Variants in HCN1 observed in about 807,000 individuals in gnomAD.
HCN1 encodes potassium/sodium hyperpolarization-activated cyclic nucleotide-gated channel 1.
In HCN1, 13 loss-of-function variants were observed where a neutral mutation model predicts 78.9. That is an observed-to-expected ratio of 0.16 (90% CI 0.11 to 0.26). HCN1 has a LOEUF of 0.26. Ranked by LOEUF, HCN1 falls within the 10% of genes least tolerant of loss-of-function variation. The pLI is 1.00. For synonymous variants in HCN1, 552 were observed against 455.5 expected (o/e 1.21, Z -2.70); for missense variants, 810 against 1,154.3 (o/e 0.70, Z 4.32).
At chr5:45,488,728 G>A in intron 2 of HCN1, among the ~76,000 whole-genome samples, 1 of 152,114 alleles carries the variant, frequency 6.6e-6, no homozygotes, top group East Asian at 1.9e-4. Context: ...ATTGGAGAAA[G>A]CATAGATAAC....
intron 2 of HCN1, among the ~76,000 whole-genome samples, chr5:45,560,677 G>T (rs1743579887): frequency 6.6e-6 from 1 of 151,814 alleles, no homozygotes. Flanking sequence ...AAAACAATGT[G>T]TTTATATTCA....
At chr5:45,445,619 C>T (rs1579899792) in intron 3 of HCN1, among the ~76,000 whole-genome samples, 1 of 152,170 alleles carries the variant, frequency 6.6e-6, no homozygotes, top group Non-Finnish European at 1.5e-5. Flanking sequence ...CCCGAGCAGC[C>T]TAACTGGGAG....
rs554240760 is a variant in HCN1 at position 45,451,372 on chromosome 5, C to T, written c.1011+10474G>A. 2.6e-5 allele frequency among the ~76,000 whole-genome samples: 4 copies of T among 152,014 alleles called. No homozygotes were observed. In the South Asian group the frequency reaches 8.3e-4, roughly 32 times the overall value. ...CACTGATGAATGTAAGGGAAAGGTG[C>T]CCCTCAGGAGAATGATTTCCATTAA... On this transcript the variant is annotated intron_variant, in intron 3 of 7. Transcript: ENST00000303230.
chr5:45,688,342 G>A (rs955288442), intron 1 of HCN1, among the ~76,000 whole-genome samples: 1 of 152,066 alleles, frequency 6.6e-6, no homozygotes, highest in South Asian at 2.1e-4. Flanking sequence ...TCCTGGCCCA[G>A]TTCTTACTAT....
intron 1 of HCN1, among the ~76,000 whole-genome samples, chr5:45,674,061 C>T (rs1746216568): frequency 6.6e-6 from 1 of 151,392 alleles, no homozygotes; most frequent in African/African-American, 2.4e-5. Context: ...AGTTATTATA[C>T]TCAGCTTTCC....
chr5:45,501,722 G>A (rs1292989300), intron 2 of HCN1, among the ~76,000 whole-genome samples: 3 of 152,084 alleles, frequency 2.0e-5, no homozygotes, highest in Admixed American at 6.6e-5. Context: ...TTACAGGCAC[G>A]AGCCACTGTG....
At chr5:45,353,781 G>A (rs2111983848) in intron 4 of HCN1, among the ~76,000 whole-genome samples, 1 of 152,010 alleles carries the variant, frequency 6.6e-6, no homozygotes, top group Non-Finnish European at 1.5e-5. Context: ...GTAAATTACT[G>A]AGAACTAAGA....
At chr5:45,352,291 C>T (rs759866319) in intron 5 of HCN1, among the ~76,000 whole-genome samples, 52 of 151,622 alleles carry the variant, frequency 3.4e-4, no homozygotes, top group Admixed American at 7.9e-4. Flanking sequence ...AATCGAACAC[C>T]GCATGTTCTC....
intron 2 of HCN1, among the ~76,000 whole-genome samples, chr5:45,493,598 T>A (rs867462931): frequency 6.6e-6 from 1 of 151,990 alleles, no homozygotes; most frequent in South Asian, 2.1e-4. Flanking sequence ...CTTTTATTTT[T>A]TTTTATTTAT....
At chr5:45,667,073 T>C (rs1746064687) in intron 1 of HCN1, among the ~76,000 whole-genome samples, 1 of 151,914 alleles carries the variant, frequency 6.6e-6, no homozygotes, top group Admixed American at 6.6e-5. Context: ...GTTTGATCAG[T>C]ATAGTAAGAG....
At chr5:45,316,815 T>C (rs1022774547) in intron 5 of HCN1, among the ~76,000 whole-genome samples, 5 of 152,146 alleles carry the variant, frequency 3.3e-5, no homozygotes, top group Non-Finnish European at 7.4e-5. Flanking sequence ...CCATTCACAA[T>C]TGCTTCAAAG....
chr5:45,278,496 T>C (rs1745106054), intron 6 of HCN1, among the ~76,000 whole-genome samples: 1 of 152,076 alleles, frequency 6.6e-6, no homozygotes, highest in Non-Finnish European at 1.5e-5. Flanking sequence ...TAAATATCTG[T>C]TGATTTTTTT....
intron 6 of HCN1, among the ~76,000 whole-genome samples, chr5:45,287,196 A>G (rs1033492399): frequency 6.6e-6 from 1 of 151,852 alleles, no homozygotes; most frequent in African/African-American, 2.4e-5. Context: ...ATTGGTAACA[A>G]TGTTCAGAAA....
intron 2 of HCN1, chr5:45,642,752 T>C (rs543303329): frequency 1.3e-5 from 2 of 152,240 alleles, no homozygotes; most frequent in East Asian, 1.9e-4. Flanking sequence ...AAAAATCAGG[T>C]AGAGAGATTT....
At chr5:45,331,824 C>T (rs1306579237) in intron 5 of HCN1, among the ~76,000 whole-genome samples, 1 of 151,418 alleles carries the variant, frequency 6.6e-6, no homozygotes, top group African/African-American at 2.4e-5. Flanking sequence ...TCACTACCAC[C>T]ACCATCAGCA....
chr5:45,599,647 T>C (rs570220152), intron 2 of HCN1, among the ~76,000 whole-genome samples: 2 of 152,272 alleles, frequency 1.3e-5, no homozygotes, highest in South Asian at 2.1e-4. Context: ...AAAAGTTCTG[T>C]CAGTATCTGA....
At chr5:45,401,900 G>C (rs1482417926) in intron 3 of HCN1, among the ~76,000 whole-genome samples, 2 of 151,882 alleles carry the variant, frequency 1.3e-5, no homozygotes, top group Admixed American at 6.6e-5. Flanking sequence ...AATTAAACAA[G>C]GTCCTTGTTT....
At position 45,686,135 on chromosome 5, in the gene HCN1, T is replaced by G. The variant is rs779365194; in HGVS notation, c.425+9534A>C. Among the ~76,000 whole-genome samples, 61 of 151,836 alleles carry G rather than the reference T, an allele frequency of 4.0e-4. 1 individual carries two copies. Among genetic ancestry groups the G allele is most frequent in the Admixed American group, 1.1e-3 (16 of 15,236 alleles). ...TACATATATATATATTTTTTTCTAT[T>G]ATAATTGAGAAAATTAAGGTCCAGT... On this transcript the variant is annotated intron_variant, in intron 1 of 7. Coordinates refer to ENST00000303230, the MANE Select transcript of HCN1 (RefSeq NM_021072.4).
intron 5 of HCN1, among the ~76,000 whole-genome samples, chr5:45,337,021 T>C (rs1300436784): frequency 2.0e-5 from 3 of 151,956 alleles, no homozygotes; most frequent in African/African-American, 7.2e-5. Context: ...TTAGTAGCAA[T>C]ATAAAAGAAA....
Sources: gnomAD v4.1 joint callset for allele counts (sites outside exome capture counted in the v4.1 genomes callset) on GRCh38, gnomAD v4.1.1 for gene constraint, MANE v1.5 for transcripts, NCBI Gene and HGNC (gene_info 2026-07-23, HGNC 2026-07-21) for gene names.